COL6A3: variants seen among roughly 807,000 people sequenced by gnomAD.
COL6A3 encodes the protein collagen alpha-3(VI) chain.
A neutral mutation model predicts 274.1 loss-of-function variants in COL6A3; 137 were observed. That is an observed-to-expected ratio of 0.50 (90% CI 0.44 to 0.58). COL6A3 has a LOEUF of 0.58. Ranked by LOEUF, COL6A3 falls within the 20% of genes least tolerant of loss-of-function variation. The pLI is 0.00. For missense variants in COL6A3, 3,950 were observed against 4,124.9 expected (o/e 0.96, Z 1.16); for synonymous variants, 1,650 against 1,650.6 (o/e 1.00, Z 0.01).
At chr2:237,340,149 C>A (rs934813651) in intron 38 of COL6A3, among the ~76,000 whole-genome samples, 12 of 152,306 alleles carry the variant, frequency 7.9e-5, no homozygotes, top group African/African-American at 2.9e-4. Flanking sequence ...TGCATTTGAT[C>A]CATTTGCCCA....
intron 13 of COL6A3, among the ~76,000 whole-genome samples, chr2:237,363,921 C>T (rs542509022): frequency 3.9e-5 from 6 of 152,266 alleles, no homozygotes; most frequent in Non-Finnish European, 5.9e-5. Context: ...ATGTTTGGTA[C>T]GTCATTGCTT....
chr2:237,354,282 T>G (rs1267697151), intron 24 of COL6A3, among the ~76,000 whole-genome samples: 1 of 151,812 alleles, frequency 6.6e-6, no homozygotes, highest in Non-Finnish European at 1.5e-5. Flanking sequence ...CCTCCCAGAG[T>G]GCTGGGATTA....
At chr2:237,411,442 C>A (rs1460891384) in intron 1 of COL6A3, among the ~76,000 whole-genome samples, 1 of 152,176 alleles carries the variant, frequency 6.6e-6, no homozygotes, top group Non-Finnish European at 1.5e-5. Context: ...ACAAATGAAA[C>A]CTCGCTGGCA....
At chr2:237,328,058 T>C (rs1208140019) in intron 42 of COL6A3, 1 of 152,180 alleles carries the variant, frequency 6.6e-6, no homozygotes, top group Non-Finnish European at 1.5e-5. Flanking sequence ...CTTAATTTGC[T>C]CTTCTTTATT....
intron 8 of COL6A3, among the ~76,000 whole-genome samples, chr2:237,373,774 C>T (rs1472629528): frequency 6.6e-6 from 1 of 152,130 alleles, no homozygotes; most frequent in Non-Finnish European, 1.5e-5. Flanking sequence ...TATATCTTTC[C>T]TCCTTCCTTC....
chr2:237,369,035 C>A lies in COL6A3; in HGVS notation c.4428G>T (p.Gly1476=), dbSNP rs377587428. The change falls in exon 10 of 44, where the codon GGG becomes GGT. Residue 1476 remains glycine (G), a synonymous_variant. Coordinates refer to ENST00000295550, the MANE Select transcript of COL6A3 (RefSeq NM_004369.4). ...LNIGPSKVRV[G]VVQFSNDVFP... ...AGACATCATTGCTGAACTGCACGACCCCAACTCTCACTTTACTGGGGCCGA... is the reference window on the plus strand; with the variant it reads ...AGACATCATTGCTGAACTGCACGACACCAACTCTCACTTTACTGGGGCCGA... 6.2e-7 allele frequency: 1 copy of A among 1,614,170 alleles called. No homozygotes were observed. The highest frequency in any genetic ancestry group is 8.5e-7 in the Non-Finnish European group (1 of 1,180,032).
In COL6A3 at chr2:237,363,405, A is replaced by T. The variant is rs1004578583; in HGVS notation, c.5918-7T>A. On this transcript the variant is annotated splice_region_variant and splice_polypyrimidine_tract_variant and intron_variant, in intron 13 of 43. Transcript: ENST00000295550. ...AGGATCAAGGCACGGACTCCTGCAAAGAAAGACACATTTAATACAGCTCAC... is the reference window on the plus strand; with the variant it reads ...AGGATCAAGGCACGGACTCCTGCAATGAAAGACACATTTAATACAGCTCAC... The T allele has an allele frequency of 2.5e-6, 4 of 1,614,196 alleles. No individual in the cohort carries two copies. The highest frequency in any genetic ancestry group is 3.4e-6 in the Non-Finnish European group (4 of 1,180,040).
At chr2:237,365,629 G>T in intron 12 of COL6A3, 69 bp downstream of exon 12, 1 of 1,367,868 alleles carries the variant, frequency 7.3e-7, no homozygotes, top group Non-Finnish European at 1.0e-6. Flanking sequence ...TTGGGGGAAG[G>T]GCTTCCTCCT....
Position 237,381,214 on chromosome 2 carries a change from C to A in COL6A3, c.1598G>T (p.Arg533Leu). The change falls in exon 5 of 44, where the codon CGT becomes CTT. Residue 533 changes from arginine to leucine, a missense_variant. Transcript: ENST00000295550. Reference sequence around the variant, plus strand: ...GGCTGAACTCGTGAATAGGTTGTTACGAACAAAGTCTAGAGCAGAGCCCGT... The same window carrying A: ...GGCTGAACTCGTGAATAGGTTGTTAAGAACAAAGTCTAGAGCAGAGCCCGT... Reference protein sequence around the residue: ...LYTGSALDFVRNNLFTSSAGY... With the variant: ...LYTGSALDFVLNNLFTSSAGY... 4.3e-6 allele frequency: 7 copies of A among 1,614,250 alleles called. No homozygotes were observed. The highest frequency in any genetic ancestry group is 5.9e-6 in the Non-Finnish European group (7 of 1,180,050).
chr2:237,325,462 T>G, intron 43 of COL6A3, 98 bp downstream of exon 43: 1 of 1,280,556 alleles, frequency 7.8e-7, no homozygotes, highest in Non-Finnish European at 1.1e-6. Flanking sequence ...CTTTTTCACA[T>G]GTATCATAAT....
intron 42 of COL6A3, among the ~76,000 whole-genome samples, chr2:237,332,707 T>G (rs1700326236): frequency 6.6e-6 from 1 of 152,236 alleles, no homozygotes; most frequent in South Asian, 2.1e-4. Flanking sequence ...CCATTTTTTA[T>G]GTTAGTACCA....
intron 23 of COL6A3, among the ~76,000 whole-genome samples, chr2:237,356,134 T>C (rs1356197140): frequency 1.3e-5 from 2 of 152,216 alleles, no homozygotes; most frequent in Non-Finnish European, 2.9e-5. Context: ...TCAAATCCAG[T>C]TTCTACCTTG....
At chr2:237,351,556 T>TACA (rs2077206739) in intron 26 of COL6A3, among the ~76,000 whole-genome samples, 1 of 152,222 alleles carries the variant, frequency 6.6e-6, no homozygotes, top group African/African-American at 2.4e-5. Flanking sequence ...GAGCACCTGG[T>TACA]ACATATGGGC....
In COL6A3 at chr2:237,371,021, T is replaced by C. The variant is rs1048886719; in HGVS notation, c.4285+711A>G. ...AAGAGTGACTGCTCTTCTCTACCAATCTATACCAAGGCCATCCTGCTTCTA... is the reference window on the plus strand; with the variant it reads ...AAGAGTGACTGCTCTTCTCTACCAACCTATACCAAGGCCATCCTGCTTCTA... On this transcript the variant is annotated intron_variant, in intron 9 of 43. Coordinates refer to ENST00000295550, the MANE Select transcript of COL6A3 (RefSeq NM_004369.4). The surrounding 1 kb of genome is among the most constrained non-coding windows in gnomAD (Gnocchi z 4.3). Among the ~76,000 whole-genome samples the C allele has an allele frequency of 2.0e-5, 3 of 152,204 alleles. No homozygotes were observed. Among genetic ancestry groups the C allele is most frequent in the African/African-American group, 4.8e-5 (2 of 41,444 alleles).
Position 237,364,213 on chromosome 2 carries a change from C to G in COL6A3, c.5917+137G>C. 1 of 737,470 alleles carries G rather than the reference C, an allele frequency of 1.4e-6. No homozygotes were observed. The highest frequency in any genetic ancestry group is 2.4e-6 in the Non-Finnish European group (1 of 416,386). 45.7% of individuals were successfully genotyped at this position (737,470 alleles called of 1,614,324 possible). On this transcript the variant is annotated intron_variant, in intron 13 of 43. Transcript: ENST00000295550. This position sits in a 1 kb window ranked among gnomAD's most constrained non-coding sequence, Gnocchi z 4.6. ...CCAAGCAGGTGATGAAGGGCCACAA[C>G]GCTGGGAGGAAGAGTCTCCCAAGAC...
At position 237,354,904 on chromosome 2, in the gene COL6A3, C is replaced by T. The variant is rs398124129; in HGVS notation, c.6622G>A (p.Ala2208Thr). The change falls in exon 24 of 44, where the codon GCT becomes ACT. Residue 2208 changes from alanine (A) to threonine (T), a missense_variant. Around this residue, in one of 5 missense-constraint regions of COL6A3, gnomAD observed 1,284 missense variants for 1,349.7 expected, o/e 0.95. Transcript: ENST00000295550. The stretch of plus-strand genomic sequence containing the variant: ...GGGCACTGCATGAGGCTCACCTTAG[C>T]TCCGGGGGGTCCCCTTCGGCCAAAG... Reference protein sequence around the residue: ...GGFGRRGPPGAKGNKGGPGQP... With the variant: ...GGFGRRGPPGTKGNKGGPGQP... The T allele has an allele frequency of 6.8e-6, 11 of 1,613,838 alleles. No homozygotes were observed. Among genetic ancestry groups the T allele is most frequent in the Non-Finnish European group, 9.3e-6 (11 of 1,179,900 alleles).
chr2:237,370,458 C>T (rs1446161896), intron 9 of COL6A3, among the ~76,000 whole-genome samples: 12 of 151,754 alleles, frequency 7.9e-5, no homozygotes, highest in Admixed American at 2.0e-4. Flanking sequence ...AGGCTGGTCT[C>T]GAACTCCTGG....
At chr2:237,409,331 A>T (rs910285959) in intron 1 of COL6A3, among the ~76,000 whole-genome samples, 1 of 152,118 alleles carries the variant, frequency 6.6e-6, no homozygotes, top group African/African-American at 2.4e-5. Context: ...GTTTTAGGGT[A>T]CATGTGCACA....
In COL6A3 at chr2:237,325,760, A is replaced by G. The variant is rs1699907597; in HGVS notation, c.9329-36T>C. 5 of 1,586,294 alleles carry G rather than the reference A, an allele frequency of 3.2e-6. No individual in the cohort carries two copies. The East Asian group carries it at 1.1e-4, about 35-fold the overall frequency. On this transcript the variant is annotated intron_variant, in intron 42 of 43. Transcript: ENST00000295550. ...AACATGAGAAAAGGATATTAATGAG[A>G]ACATGCGTGTTACTCGGCTCCCAGT...
Sources: allele counts gnomAD v4.1 joint callset (sites outside exome capture counted in the v4.1 genomes callset), GRCh38; gene constraint gnomAD v4.1.1; regional missense constraint gnomAD v4.1.1; non-coding constraint Gnocchi (gnomAD v3.1); transcripts MANE v1.5; gene names NCBI Gene and HGNC (gene_info 2026-07-23, HGNC 2026-07-21).